PACS2: variants seen among roughly 807,000 people sequenced by gnomAD.
PACS2 encodes phosphofurin acidic cluster sorting protein 2, also known as PACS1-like protein.
In PACS2, 36 loss-of-function variants were observed where a neutral mutation model predicts 113.0. The ratio of observed to expected loss-of-function variants is 0.32; its 90% confidence interval spans 0.24 to 0.42. PACS2 has a LOEUF of 0.42. PACS2 is among the 10% of genes least tolerant of loss of function. The pLI is 1.00. For missense variants in PACS2, 1,015 were observed against 1,239.5 expected, an observed-to-expected ratio of 0.82 and a Z score of 2.72; for synonymous variants, 589 against 536.1, an observed-to-expected ratio of 1.10 and a Z score of -1.36.
rs1290000442 is a variant in PACS2 at position 105,323,082 on chromosome 14, T to C, written c.119+8045T>C. Among the ~76,000 whole-genome samples, 1 of 152,184 alleles carries C rather than the reference T, an allele frequency of 6.6e-6. No homozygotes were observed. Among genetic ancestry groups the C allele is most frequent in the Non-Finnish European group, 1.5e-5 (1 of 68,030 alleles). On this transcript the variant is annotated intron_variant, in intron 1 of 24. Transcript: ENST00000447393. This position sits in a 1 kb window ranked among gnomAD's most constrained non-coding sequence, Gnocchi z 4.1. ...AGACGTCTGGGTGGCTTTGTGGTCATGTCATCGTTGCCAACGGTCGTCTCA... is the reference window on the plus strand; with the variant it reads ...AGACGTCTGGGTGGCTTTGTGGTCACGTCATCGTTGCCAACGGTCGTCTCA...
intron 6 of PACS2, 150 bp downstream of exon 6, chr14:105,368,297 G>C: frequency 1.2e-6 from 1 of 818,602 alleles, no homozygotes; most frequent in South Asian, 1.6e-5. Context: ...CTCGTCTCCC[G>C]ACCCCAGGGG....
Position 105,352,416 on chromosome 14 carries a change from GC to G in PACS2, c.252del (p.Ser85ValfsTer10). The G allele has an allele frequency of 6.2e-7, 1 of 1,612,902 alleles. No individual in the cohort carries two copies. Among genetic ancestry groups the G allele is most frequent in the African/African-American group, 1.3e-5 (1 of 74,970 alleles). ...RILRSHEIVL[P>X]PSGQVETDLA... ...TCCTGCGGTCCCATGAGATTGTGCT[GC>G]CCCCCAGTGGACAAGTGGAGACAGA... On this transcript the variant is annotated frameshift_variant, in exon 3 of 25. Transcript: ENST00000447393. LOFTEE classifies it high-confidence loss of function.
At chr14:105,382,153 AGGGTGCT>A in intron 13 of PACS2, 95 bp downstream of exon 13, 1 of 1,340,156 alleles carries the variant, frequency 7.5e-7, no homozygotes, top group Non-Finnish European at 1.0e-6. Flanking sequence ...CAGGGGGCCA[AGGGTGCT>A]GGGCCACAGA....
At chr14:105,302,251 TGGA>T (rs2058061506) in intron 1 of PACS2, among the ~76,000 whole-genome samples, 2 of 149,582 alleles carry the variant, frequency 1.3e-5, no homozygotes, top group African/African-American at 4.9e-5. Context: ...TTGCCCAGGC[TGGA>T]GTGCAGTGGT....
intron 4 of PACS2, among the ~76,000 whole-genome samples, chr14:105,359,587 C>CTTTTTT (rs1162190552): frequency 1.6e-4 from 16 of 101,784 alleles, no homozygotes; most frequent in South Asian, 3.1e-4. Context: ...GTATTTCTTT[C>CTTTTTT]TTTTTTTTTT....
Position 105,357,453 on chromosome 14 carries a change from C to G in PACS2, c.423+2276C>G, listed in dbSNP as rs1200257234. Reference sequence around the variant, plus strand: ...CCAAAGCCGAGGTCATCTGACTGCTCCTCGCTCTCCCCTCCAGCATCTCCT... The same window carrying G: ...CCAAAGCCGAGGTCATCTGACTGCTGCTCGCTCTCCCCTCCAGCATCTCCT... On this transcript the variant is annotated intron_variant, in intron 4 of 24. Coordinates refer to ENST00000447393, the MANE Select transcript of PACS2 (RefSeq NM_001100913.3). This position sits in a 1 kb window ranked among gnomAD's most constrained non-coding sequence, Gnocchi z 5.1. Among the ~76,000 whole-genome samples the G allele has an allele frequency of 2.6e-5, 4 of 152,156 alleles. No individual in the cohort carries two copies. Among genetic ancestry groups the G allele is most frequent in the Non-Finnish European group, 5.9e-5 (4 of 68,032 alleles).
intron 19 of PACS2, among the ~76,000 whole-genome samples, chr14:105,387,515 C>T (rs587625361): frequency 3.9e-5 from 6 of 152,340 alleles, no homozygotes; most frequent in African/African-American, 7.2e-5. Context: ...GCTCCTTACA[C>T]TCCTGACCAC....
chr14:105,362,565 T>G lies in PACS2; in HGVS notation c.424-4648T>G, dbSNP rs184237290. On this transcript the variant is annotated intron_variant, in intron 4 of 24. Coordinates refer to ENST00000447393, the MANE Select transcript of PACS2 (RefSeq NM_001100913.3). ...ATACATTTTTTTTAAATAATAAGAC[T>G]TGAGGCCAGGCGCAGTGGCTCACAC... 5.9e-5 allele frequency among the ~76,000 whole-genome samples: 9 copies of G among 151,440 alleles called. No homozygotes were observed. The East Asian group carries it at 1.8e-3, about 30-fold the overall frequency.
intron 1 of PACS2, among the ~76,000 whole-genome samples, chr14:105,321,697 A>G (rs1204736534): frequency 1.3e-5 from 2 of 151,552 alleles, no homozygotes; most frequent in Non-Finnish European, 2.9e-5. Flanking sequence ...GTTATTAGGT[A>G]CATACATGTT....
chr14:105,340,221 G>A lies in PACS2; in HGVS notation c.120-8272G>A, dbSNP rs1261116171. Among the ~76,000 whole-genome samples the A allele has an allele frequency of 6.6e-6, 1 of 152,220 alleles. No homozygotes were observed. Among genetic ancestry groups the A allele is most frequent in the Non-Finnish European group, 1.5e-5 (1 of 68,048 alleles). Reference sequence around the variant, plus strand: ...GCGATCGTAATGTGCTTCAGAAATGGCCTCATTCATCTGTGGGGAAAGGAT... The same window carrying A: ...GCGATCGTAATGTGCTTCAGAAATGACCTCATTCATCTGTGGGGAAAGGAT... On this transcript the variant is annotated intron_variant, in intron 1 of 24. Coordinates refer to ENST00000447393, the MANE Select transcript of PACS2 (RefSeq NM_001100913.3). The surrounding 1 kb of genome is among the most constrained non-coding windows in gnomAD (Gnocchi z 4.2).
In PACS2 at chr14:105,348,524, G is replaced by A; in HGVS notation, c.151G>A (p.Val51Ile). ...CAGCCTGACTCTGAAGAAGCTGGTG[G>A]TCTTCAAGGAGCTGGAGAAGGAGCT... Reference protein sequence around the residue: ...LCSLTLKKLVVFKELEKELIS... With the variant: ...LCSLTLKKLVIFKELEKELIS... Residue 51 changes from valine to isoleucine, a missense_variant, in exon 2 of 25, where the codon GTC becomes ATC. Val to Ile is a conservative substitution (Grantham distance 29). This residue lies in a region of PACS2 where 140 missense variants were observed against 135.1 expected (regional missense o/e 1.04). Transcript: ENST00000447393. This position sits in a 1 kb window ranked among gnomAD's most constrained non-coding sequence, Gnocchi z 6.4. The A allele has an allele frequency of 6.2e-7, 1 of 1,612,566 alleles. No homozygotes were observed. The highest frequency in any genetic ancestry group is 8.5e-7 in the Non-Finnish European group (1 of 1,179,822).
upstream of PACS2, chr14:105,314,678 G>GGC (rs2058477101): frequency 7.0e-6 from 1 of 142,650 alleles, no homozygotes. Context: ...GAGGGCGCCG[G>GGC]GCGCGCGCGG....
At chr14:105,301,824 T>C (rs1237902138) in intron 1 of PACS2, among the ~76,000 whole-genome samples, 5 of 152,146 alleles carry the variant, frequency 3.3e-5, no homozygotes, top group Admixed American at 3.3e-4. Context: ...GCCGGTGACA[T>C]ACCCAGGAAT....
chr14:105,368,064 C>G lies in PACS2; in HGVS notation c.587-10C>G. 2 of 1,592,720 alleles carry G rather than the reference C, an allele frequency of 1.3e-6. No individual in the cohort carries two copies. The highest frequency in any genetic ancestry group is 1.7e-6 in the Non-Finnish European group (2 of 1,160,998). On this transcript the variant is annotated splice_polypyrimidine_tract_variant and intron_variant, in intron 5 of 24. Transcript: ENST00000447393. ...CACGGCACCCTCCCTTCTGTCTGTT[C>G]ATTCCGCAGATAACTACTCCGAGGA...
intron 19 of PACS2, chr14:105,389,735 A>G (rs2081293121): frequency 1.7e-6 from 1 of 588,574 alleles, no homozygotes; most frequent in Admixed American, 3.0e-5. Context: ...CCAGCATGTC[A>G]GCATGTCAGA....
intron 11 of PACS2, 142 bp from the exon 12 acceptor site, chr14:105,380,815 C>T (rs2080965036): frequency 6.7e-6 from 5 of 748,652 alleles, no homozygotes; most frequent in Non-Finnish European, 1.0e-5. Context: ...GCTCCCTGGT[C>T]AGCGTATGGC....
Position 105,323,819 on chromosome 14 carries a change from G to T in PACS2, c.119+8782G>T, listed in dbSNP as rs1445459932. ...GGGCAGCCAGTGGCCTGTAGGCTGG[G>T]CAGCACTCGAGCTGGGGCCAAGGGG... On this transcript the variant is annotated intron_variant, in intron 1 of 24. Transcript: ENST00000447393. The surrounding 1 kb of genome is among the most constrained non-coding windows in gnomAD (Gnocchi z 4.1). 6.6e-6 allele frequency among the ~76,000 whole-genome samples: 1 copy of T among 152,232 alleles called. No individual in the cohort carries two copies. Among genetic ancestry groups the T allele is most frequent in the Admixed American group, 6.5e-5 (1 of 15,284 alleles).
chr14:105,312,029 A>G, upstream of PACS2, among the ~76,000 whole-genome samples: 1 of 152,172 alleles, frequency 6.6e-6, no homozygotes, highest in East Asian at 1.9e-4. Flanking sequence ...GGAGCCGCCA[A>G]CTGACCAGTG....
At position 105,395,441 on chromosome 14, in the gene PACS2, G is replaced by T. The variant is rs1338351189; in HGVS notation, c.*769G>T. On this transcript the variant is annotated 3_prime_UTR_variant, in exon 25 of 25. Transcript: ENST00000447393. ...CAAGCACAGGGGCCTCCACAGCCCA[G>T]GTGGCCCCAGAAAATGTTCCAGAGC... 1 of 152,202 alleles carries T rather than the reference G, an allele frequency of 6.6e-6. No individual in the cohort carries two copies. Among genetic ancestry groups the T allele is most frequent in the Non-Finnish European group, 1.5e-5 (1 of 68,072 alleles). 9.4% of individuals were successfully genotyped at this position (152,202 alleles called of 1,614,324 possible).
Sources: allele counts gnomAD v4.1 joint callset (sites outside exome capture counted in the v4.1 genomes callset), GRCh38; gene constraint gnomAD v4.1.1; regional missense constraint gnomAD v4.1.1; non-coding constraint Gnocchi (gnomAD v3.1); transcripts MANE v1.5; gene names NCBI Gene and HGNC (gene_info 2026-07-23, HGNC 2026-07-21).